Variants in DYNC1LI1 observed in about 807,000 individuals in gnomAD.
DYNC1LI1 encodes the protein dynein cytoplasmic 1 light intermediate chain 1.
In DYNC1LI1, 19 loss-of-function variants were observed where a neutral mutation model predicts 63.8. The ratio of observed to expected loss-of-function variants is 0.30; its 90% CI spans 0.21 to 0.44. The LOEUF is 0.44. DYNC1LI1 is among the 20% of genes least tolerant of loss of function. The pLI, the probability that DYNC1LI1 is intolerant of heterozygous loss-of-function variation, is 1.00. For missense variants in DYNC1LI1, 565 were observed against 630.2 expected, an observed-to-expected ratio of 0.90 and a Z score of 1.11; for synonymous variants, 225 against 232.3, an observed-to-expected ratio of 0.97 and a Z score of 0.28.
At chr3:32,557,272 C>G (rs1249511283) in intron 2 of DYNC1LI1, among the ~76,000 whole-genome samples, 1 of 152,064 alleles carries the variant, frequency 6.6e-6, no homozygotes. Context: ...TCCCAACACT[C>G]TGGGAGGCTG....
intron 2 of DYNC1LI1, among the ~76,000 whole-genome samples, chr3:32,554,100 A>C (rs1410625605): frequency 1.3e-5 from 2 of 152,232 alleles, no homozygotes; most frequent in African/African-American, 4.8e-5. Context: ...CACTTCCAAG[A>C]ATCACTACTA....
At chr3:32,533,138 T>C (rs751032015) in intron 7 of DYNC1LI1, 41 bp from the exon 8 acceptor site, 6 of 1,564,112 alleles carry the variant, frequency 3.8e-6, no homozygotes, top group Non-Finnish European at 5.1e-6. Flanking sequence ...AGCATTTATA[T>C]AGTCATTCTT....
intron 2 of DYNC1LI1, among the ~76,000 whole-genome samples, chr3:32,554,415 C>A (rs1158305213): frequency 4.6e-5 from 7 of 152,176 alleles, no homozygotes; most frequent in Admixed American, 4.6e-4. Context: ...CCTGTGATTT[C>A]AAAATTTCTC....
intron 2 of DYNC1LI1, among the ~76,000 whole-genome samples, chr3:32,564,566 T>C (rs1698234612): frequency 6.6e-6 from 1 of 152,256 alleles, no homozygotes; most frequent in Admixed American, 6.5e-5. Flanking sequence ...AAGAGTTTGC[T>C]GATTCTATTA....
intron 2 of DYNC1LI1, among the ~76,000 whole-genome samples, chr3:32,548,477 C>G (rs910252802): frequency 6.6e-6 from 1 of 152,152 alleles, no homozygotes; most frequent in East Asian, 1.9e-4. Context: ...TTAAATAAAA[C>G]AAGCCAGGCA....
In DYNC1LI1 at chr3:32,526,696, T is replaced by C. The variant is rs1300825143; in HGVS notation, c.*103A>G. 1.2e-6 allele frequency: 1 copy of C among 817,698 alleles called. No individual in the cohort carries two copies. Among genetic ancestry groups the C allele is most frequent in the African/African-American group, 1.7e-5 (1 of 58,224 alleles). The allele number at this position is 817,698 out of a possible 1,614,324, so 50.7% of individuals were successfully genotyped here. A position where few individuals can be genotyped will look rare whatever the true frequency, so the allele number is the denominator to read the frequency against. ...ACACACACGACATAAATTTAGTCCA[T>C]CTGAAGAAGCACTCCAGCTTTCTAA... On this transcript the variant is annotated 3_prime_UTR_variant, in exon 13 of 13. Coordinates refer to ENST00000273130, the MANE Select transcript of DYNC1LI1 (RefSeq NM_016141.4).
chr3:32,551,236 T>C (rs899595328), intron 2 of DYNC1LI1, among the ~76,000 whole-genome samples: 12 of 152,236 alleles, frequency 7.9e-5, no homozygotes, highest in Non-Finnish European at 1.6e-4. Context: ...AAGTCAGAAG[T>C]CTTTGCAGAA....
intron 3 of DYNC1LI1, 71 bp from the exon 4 acceptor site, chr3:32,545,177 C>T (rs1697936208): frequency 9.7e-7 from 1 of 1,033,388 alleles, no homozygotes; most frequent in Admixed American, 2.0e-5. Context: ...AACAGTACCA[C>T]TTGGTATTTT....
At position 32,538,007 on chromosome 3, in the gene DYNC1LI1, T is replaced by A. The variant is rs1385047199; in HGVS notation, c.739-903A>T. ...AATATATATATATAATTTATATATATAATATATATATATAATTTATATATA... is the reference window on the plus strand; with the variant it reads ...AATATATATATATAATTTATATATAAAATATATATATATAATTTATATATA... On this transcript the variant is annotated intron_variant, in intron 5 of 12. Coordinates refer to ENST00000273130, the MANE Select transcript of DYNC1LI1 (RefSeq NM_016141.4). 5.8e-4 allele frequency among the ~76,000 whole-genome samples: 23 copies of A among 39,692 alleles called. 3 individuals are homozygous for A. The highest frequency in any genetic ancestry group is 3.2e-3 in the African/African-American group (21 of 6,490). 26.0% of individuals were successfully genotyped at this position (39,692 alleles called of 152,430 possible). A position where few individuals can be genotyped will look rare whatever the true frequency, so the allele number is the denominator to read the frequency against.
intron 8 of DYNC1LI1, chr3:32,532,388 C>A (rs984977417): frequency 1.3e-5 from 2 of 150,720 alleles, no homozygotes; most frequent in Non-Finnish European, 1.5e-5. Flanking sequence ...ATCGCTTGAA[C>A]CTGGGAGGCA....
rs1697621708 is a variant in DYNC1LI1 at position 32,526,621 on chromosome 3, C to T, written c.*178G>A. 1 of 477,296 alleles carries T rather than the reference C, an allele frequency of 2.1e-6. No individual in the cohort carries two copies. The highest frequency in any genetic ancestry group is 3.8e-6 in the Non-Finnish European group (1 of 262,500). 29.6% of individuals were successfully genotyped at this position (477,296 alleles called of 1,614,324 possible). On this transcript the variant is annotated 3_prime_UTR_variant, in exon 13 of 13. Transcript: ENST00000273130. Reference sequence around the variant, plus strand: ...TCCTACATAATGTAGAATAATTTTTCTTCTGTACGGCTCCTTCTAAAAAAT... The same window carrying T: ...TCCTACATAATGTAGAATAATTTTTTTTCTGTACGGCTCCTTCTAAAAAAT...
intron 2 of DYNC1LI1, among the ~76,000 whole-genome samples, chr3:32,569,673 A>G (rs1311994992): frequency 6.6e-6 from 1 of 152,234 alleles, no homozygotes; most frequent in Non-Finnish European, 1.5e-5. Context: ...GAGTCACTAA[A>G]GAAACAGAAT....
intron 2 of DYNC1LI1, among the ~76,000 whole-genome samples, chr3:32,569,452 A>AAAC (rs768374013): frequency 5.7e-4 from 87 of 152,152 alleles, no homozygotes; most frequent in Admixed American, 2.2e-3. Flanking sequence ...GATATAACCA[A>AAAC]AACAACAACA....
intron 2 of DYNC1LI1, chr3:32,566,803 TAA>T (rs1454801327): frequency 2.9e-6 from 1 of 348,512 alleles, no homozygotes; most frequent in Non-Finnish European, 5.6e-6. Context: ...TAATTAAATA[TAA>T]AAGGTAAAAA....
Position 32,541,161 on chromosome 3 carries a change from G to A in DYNC1LI1, c.614C>T (p.Pro205Leu), listed in dbSNP as rs138230944. The A allele has an allele frequency of 1.9e-4, 312 of 1,611,468 alleles. No individual in the cohort carries two copies. In the East Asian group the frequency reaches 2.7e-3, roughly 14 times the overall value. The change falls in exon 5 of 13, where the codon CCG becomes CTG. Residue 205 changes from proline (P) to leucine (L), a missense_variant. By Grantham distance (98) the Pro-to-Leu change is moderately conservative. Transcript: ENST00000273130. ...QEYVEPGEDF[P>L]ASPQRRNTAS... ...AGTATTTCTTCTCTGGGGAGAAGCC[G>A]GGAAGTCTTCTCCTGGCTCTACATA...
chr3:32,542,166 A>G (rs1176957383), intron 4 of DYNC1LI1, among the ~76,000 whole-genome samples: 1 of 152,188 alleles, frequency 6.6e-6, no homozygotes, highest in Non-Finnish European at 1.5e-5. Context: ...CCCATGCTGG[A>G]GTGCAGCGGT....
At chr3:32,570,154 G>A (rs1019967477) in intron 2 of DYNC1LI1, 192 bp downstream of exon 2, 9 of 697,270 alleles carry the variant, frequency 1.3e-5, no homozygotes, top group African/African-American at 5.3e-5. Context: ...AGGGAGGGCG[G>A]GTCCCCGCAG....
intron 6 of DYNC1LI1, among the ~76,000 whole-genome samples, chr3:32,535,059 CTT>C (rs1262450166): frequency 6.6e-6 from 1 of 152,164 alleles, no homozygotes; most frequent in African/African-American, 2.4e-5. Context: ...AACAGTGTCT[CTT>C]TGTAGTTTTT....
intron 10 of DYNC1LI1, among the ~76,000 whole-genome samples, chr3:32,529,941 C>T (rs544235994): frequency 6.6e-6 from 1 of 152,236 alleles, no homozygotes; most frequent in South Asian, 2.1e-4. Flanking sequence ...GACTTGGTTT[C>T]CAATCTGGAC....
Sources: gnomAD v4.1 joint callset for allele counts (sites outside exome capture counted in the v4.1 genomes callset) on GRCh38, gnomAD v4.1.1 for gene constraint, MANE v1.5 for transcripts, NCBI Gene and HGNC (gene_info 2026-07-23, HGNC 2026-07-21) for gene names.